Variants in TCF12 observed in about 807,000 individuals in gnomAD.
The protein encoded by TCF12 is DNA-binding protein HTF4.
TCF12 carries 45 observed loss-of-function variants against 86.0 expected under a neutral mutation model. The ratio of observed to expected loss-of-function variants is 0.52; its 90% CI spans 0.41 to 0.67. The LOEUF is 0.67. Among genes scored for constraint, TCF12 ranks in the 30% least tolerant of loss-of-function variants. TCF12 has a pLI of 0.00. For synonymous variants in TCF12, 330 were observed against 299.6 expected (o/e 1.10, Z -1.05); for missense variants, 881 against 859.9 (o/e 1.02, Z -0.31).
chr15:57,219,063 G>T (rs772724149), intron 8 of TCF12: 12 of 1,051,976 alleles, frequency 1.1e-5, no homozygotes, highest in Non-Finnish European at 1.4e-5. Flanking sequence ...AGATGGTAAC[G>T]CTGGAGGTGT....
intron 5 of TCF12, among the ~76,000 whole-genome samples, chr15:57,153,711 A>G (rs1012244631): frequency 3.9e-5 from 6 of 152,332 alleles, no homozygotes; most frequent in African/African-American, 1.4e-4. Flanking sequence ...AATAGTGGCT[A>G]TTAAATGGAA....
intron 18 of TCF12, among the ~76,000 whole-genome samples, chr15:57,266,106 T>G (rs887223563): frequency 1.6e-4 from 24 of 149,328 alleles, no homozygotes; most frequent in East Asian, 5.8e-4. Flanking sequence ...TATTTATTTA[T>G]TTATTTATTT....
rs1441416510 is a variant in TCF12 at position 57,166,276 on chromosome 15, C to T, written c.326-126C>T. On this transcript the variant is annotated intron_variant, in intron 5 of 20. Transcript: ENST00000333725. The stretch of plus-strand genomic sequence containing the variant: ...AGTTTTACAAATTATTGAATTGTAT[C>T]CTCTTATTTCTAATTTGTTCTTTCT... 12 of 719,842 alleles carry T rather than the reference C, an allele frequency of 1.7e-5. No homozygotes were observed. The African/African-American group carries it at 2.0e-4, about 12-fold the overall frequency. The allele number at this position is 719,842 out of a possible 1,614,324, so 44.6% of individuals were successfully genotyped here.
At chr15:57,172,974 G>C (rs937993734) in intron 6 of TCF12, among the ~76,000 whole-genome samples, 1 of 151,460 alleles carries the variant, frequency 6.6e-6, no homozygotes, top group African/African-American at 2.4e-5. Context: ...CTAGTCAGGT[G>C]TGGTGGCAGG....
At chr15:57,075,804 T>TTCTTTCTTTCTTTCTC (rs1461514777) in intron 4 of TCF12, among the ~76,000 whole-genome samples, 8 of 28,600 alleles carry the variant, frequency 2.8e-4, no homozygotes, top group South Asian at 2.1e-3. Context: ...CTTTCTTTCT[T>TTCTTTCTTTCTTTCTC]TCTCTCTCTC....
At chr15:57,095,015 T>A (rs1341431055) in intron 5 of TCF12, among the ~76,000 whole-genome samples, 1 of 152,244 alleles carries the variant, frequency 6.6e-6, no homozygotes, top group Non-Finnish European at 1.5e-5. Flanking sequence ...GTTTATATAT[T>A]CATGTATATA....
chr15:57,207,292 A>G (rs1458752656), intron 8 of TCF12, among the ~76,000 whole-genome samples: 2 of 152,150 alleles, frequency 1.3e-5, no homozygotes, highest in Admixed American at 1.3e-4. Context: ...TCATTTTTTC[A>G]ATGTTAATCC....
intron 3 of TCF12, among the ~76,000 whole-genome samples, chr15:56,962,377 A>T (rs1278581979): frequency 2.0e-5 from 3 of 152,148 alleles, no homozygotes; most frequent in Admixed American, 1.3e-4. Context: ...CCTTTATTAG[A>T]TAAAAGTCTA....
At chr15:57,243,439 T>C (rs770403016) in intron 12 of TCF12, 33 bp from the exon 13 acceptor site, 28 of 1,568,574 alleles carry the variant, frequency 1.8e-5, no homozygotes, top group Non-Finnish European at 2.2e-5. Flanking sequence ...TTGTCACATG[T>C]TGATACATGT....
At chr15:57,075,240 CT>C (rs763729754) in intron 4 of TCF12, among the ~76,000 whole-genome samples, 1 of 152,130 alleles carries the variant, frequency 6.6e-6, no homozygotes, top group Non-Finnish European at 1.5e-5. Flanking sequence ...TGAGTTTTTG[CT>C]GTGTGTGTAT....
chr15:57,200,843 G>A (rs1236718105), intron 8 of TCF12, among the ~76,000 whole-genome samples: 1 of 152,162 alleles, frequency 6.6e-6, no homozygotes, highest in South Asian at 2.1e-4. Context: ...TAACTAAGCT[G>A]TATTAAATAT....
chr15:56,967,329 G>C (rs2062054727), intron 3 of TCF12, among the ~76,000 whole-genome samples: 1 of 152,022 alleles, frequency 6.6e-6, no homozygotes, highest in South Asian at 2.1e-4. Context: ...CTGAAGTTGG[G>C]ATTTTGATTA....
At chr15:57,270,959 C>G (rs2061111221) in intron 18 of TCF12, among the ~76,000 whole-genome samples, 1 of 152,156 alleles carries the variant, frequency 6.6e-6, no homozygotes, top group Non-Finnish European at 1.5e-5. Context: ...GAGGGGCACC[C>G]ACCTGTATGA....
chr15:57,208,998 G>A (rs2057989005), intron 8 of TCF12, among the ~76,000 whole-genome samples: 1 of 152,216 alleles, frequency 6.6e-6, no homozygotes, highest in South Asian at 2.1e-4. Flanking sequence ...TTACAGGTGT[G>A]AGTCACTGCG....
chr15:57,282,247 A>C (rs2061724066), intron 19 of TCF12, 198 bp from the exon 20 acceptor site: 1 of 627,334 alleles, frequency 1.6e-6, no homozygotes, highest in Admixed American at 3.2e-5. Flanking sequence ...AAATGAAGAA[A>C]ACACAAGATG....
chr15:57,189,548 T>A (rs1161666928), intron 6 of TCF12, among the ~76,000 whole-genome samples: 1 of 152,162 alleles, frequency 6.6e-6, no homozygotes, highest in African/African-American at 2.4e-5. Context: ...AGATACCACT[T>A]TGCCCCTCAA....
intron 5 of TCF12, among the ~76,000 whole-genome samples, chr15:57,143,594 G>C (rs1307810314): frequency 6.6e-6 from 1 of 152,138 alleles, no homozygotes; most frequent in Non-Finnish European, 1.5e-5. Context: ...GTTTTAAGCT[G>C]GGTTGTAGGT....
intron 5 of TCF12, among the ~76,000 whole-genome samples, chr15:57,121,595 C>T (rs1410959749): frequency 6.6e-6 from 1 of 152,176 alleles, no homozygotes; most frequent in African/African-American, 2.4e-5. Flanking sequence ...ATCTCTTGCC[C>T]TTCTGCCATT....
Position 57,250,246 on chromosome 15 carries a change from C to T in TCF12, c.1115-1104C>T, listed in dbSNP as rs187341856. Among the ~76,000 whole-genome samples the T allele has an allele frequency of 3.4e-3, 520 of 152,238 alleles. 3 individuals are homozygous for T. The highest frequency in any genetic ancestry group is 0.024 in the Middle Eastern group (7 of 294). ...AAAGGCACTGTCAGTTACTATTACC[C>T]CTTAGTAAGGCAATTTGTCCTTACG... On this transcript the variant is annotated intron_variant, in intron 13 of 20. Coordinates refer to ENST00000333725, the MANE Select transcript of TCF12 (RefSeq NM_207037.2).
Sources: gnomAD v4.1 joint callset for allele counts (sites outside exome capture counted in the v4.1 genomes callset) on GRCh38, gnomAD v4.1.1 for gene constraint, MANE v1.5 for transcripts, NCBI Gene and HGNC (gene_info 2026-07-23, HGNC 2026-07-21) for gene names.